The following PRDM6 variants were observed in gnomAD, a reference collection of about 807,000 sequenced individuals.
PRDM6 encodes the protein putative histone-lysine N-methyltransferase PRDM6.
In PRDM6, 25 loss-of-function variants were observed where a neutral mutation model predicts 60.8. The observed-to-expected ratio is 0.41, with a 90% CI of 0.30 to 0.57. PRDM6 has a LOEUF of 0.57. PRDM6 is among the 20% of genes least tolerant of loss of function. The probability of loss-of-function intolerance (pLI) is 0.27; values close to 1 mark genes in which losing one functional copy is unlikely to be tolerated. For missense variants in PRDM6, 839 were observed against 821.3 expected (o/e 1.02, Z -0.26); for synonymous variants, 407 against 357.4 (o/e 1.14, Z -1.57).
rs116523240 is a variant in PRDM6 at position 123,142,377 on chromosome 5, A to G, written c.901-13507A>G. 7.8e-3 allele frequency among the ~76,000 whole-genome samples: 1,189 copies of G among 152,278 alleles called. 17 individuals are homozygous for G. The highest frequency in any genetic ancestry group is 0.027 in the African/African-American group (1,129 of 41,560). ...TACAGTTAATACTGCCAGAGTAAGA[A>G]GTAGAACATAGGATTCCTCATCTGT... On this transcript the variant is annotated intron_variant, in intron 3 of 7. Coordinates refer to ENST00000407847, the MANE Select transcript of PRDM6 (RefSeq NM_001136239.4).
At position 123,193,677 on chromosome 5, in the gene PRDM6, TTG is replaced by T. The variant is rs1429193121; in HGVS notation, c.*6477_*6478del. On this transcript the variant is annotated 3_prime_UTR_variant, in exon 8 of 8. Transcript: ENST00000407847. ...TTTGGCTCAGATCAGCAAAATTATT[TTG>T]GAAACTTAATGTCCCAAGTTAATTA... 6.6e-6 allele frequency: 1 copy of T among 152,208 alleles called. No individual in the cohort carries two copies. The highest frequency in any genetic ancestry group is 1.5e-5 in the Non-Finnish European group (1 of 68,042). 9.4% of individuals were successfully genotyped at this position (152,208 alleles called of 1,614,324 possible).
intron 5 of PRDM6, among the ~76,000 whole-genome samples, chr5:123,169,592 A>G (rs183221493): frequency 2.0e-5 from 3 of 152,346 alleles, no homozygotes; most frequent in African/African-American, 4.8e-5. Flanking sequence ...AGTGTCAACC[A>G]TAGGTCAAGC....
chr5:123,172,409 A>AT, intron 6 of PRDM6, among the ~76,000 whole-genome samples: 1 of 152,168 alleles, frequency 6.6e-6, no homozygotes. Context: ...CACAATCTTT[A>AT]TTTTCAATAG....
At chr5:123,090,947 C>T (rs1580470019) in intron 2 of PRDM6, among the ~76,000 whole-genome samples, 1 of 152,200 alleles carries the variant, frequency 6.6e-6, no homozygotes, top group African/African-American at 2.4e-5. Context: ...TGCCCGGGGC[C>T]AGGCGGGTAC....
At chr5:123,162,941 G>A (rs764849045) in intron 5 of PRDM6, among the ~76,000 whole-genome samples, 6 of 152,200 alleles carry the variant, frequency 3.9e-5, no homozygotes, top group African/African-American at 1.2e-4. Context: ...GTGTAAAAGG[G>A]CATGGGCAGA....
At chr5:123,118,285 G>T (rs1433136008) in intron 3 of PRDM6, among the ~76,000 whole-genome samples, 1 of 152,196 alleles carries the variant, frequency 6.6e-6, no homozygotes, top group African/African-American at 2.4e-5. Context: ...AAGTTGTTTT[G>T]TTTAGAAGGT....
chr5:123,107,317 T>C (rs187351494), intron 3 of PRDM6, among the ~76,000 whole-genome samples: 146 of 152,376 alleles, frequency 9.6e-4, no homozygotes, highest in Middle Eastern at 3.4e-3. Context: ...CCAACAGATA[T>C]ATTGTGGAAT....
At chr5:123,094,476 G>T (rs1763914676) in intron 2 of PRDM6, among the ~76,000 whole-genome samples, 1 of 141,632 alleles carries the variant, frequency 7.1e-6, no homozygotes, top group African/African-American at 2.5e-5. Flanking sequence ...TGCAAGCCCA[G>T]CCTCATCCCA....
At chr5:123,107,970 A>T (rs1554085646) in intron 3 of PRDM6, among the ~76,000 whole-genome samples, 1 of 151,960 alleles carries the variant, frequency 6.6e-6, no homozygotes, top group Non-Finnish European at 1.5e-5. Context: ...TTTTTAATTA[A>T]TTTTTTTTCA....
chr5:123,166,930 A>G (rs1173020272), intron 5 of PRDM6, among the ~76,000 whole-genome samples: 5 of 152,126 alleles, frequency 3.3e-5, no homozygotes, highest in Non-Finnish European at 5.9e-5. Context: ...TGCAGAAACC[A>G]CTTCATCTTT....
intron 4 of PRDM6, 122 bp downstream of exon 4, chr5:123,156,133 T>A: frequency 9.8e-6 from 3 of 307,554 alleles, no homozygotes; most frequent in Non-Finnish European, 1.5e-5. Flanking sequence ...CTGGCAGACA[T>A]TTTTTTTTTT....
At chr5:123,142,787 C>T (rs749852886) in intron 3 of PRDM6, among the ~76,000 whole-genome samples, 6 of 145,790 alleles carry the variant, frequency 4.1e-5, no homozygotes, top group African/African-American at 1.0e-4. Flanking sequence ...GCTTTTCTAG[C>T]GATCCTGAAA....
In PRDM6 at chr5:123,188,823, G is replaced by T. The variant is rs1177886734; in HGVS notation, c.*1622G>T. ...AAAATCTCTCTTCCCTTTTAATTTT[G>T]CTTCTCTATTCCTTAGCACCCCAGC... On this transcript the variant is annotated 3_prime_UTR_variant, in exon 8 of 8. Coordinates refer to ENST00000407847, the MANE Select transcript of PRDM6 (RefSeq NM_001136239.4). 6.6e-6 allele frequency: 1 copy of T among 151,956 alleles called. No individual in the cohort carries two copies. The highest frequency in any genetic ancestry group is 1.5e-5 in the Non-Finnish European group (1 of 67,992). 9.4% of individuals were successfully genotyped at this position (151,956 alleles called of 1,614,324 possible).
chr5:123,099,741 G>C lies in PRDM6; in HGVS notation c.680G>C (p.Ser227Thr), dbSNP rs927793577. 6.5e-7 allele frequency: 1 copy of C among 1,543,930 alleles called. No individual in the cohort carries two copies. Among genetic ancestry groups the C allele is most frequent in the Non-Finnish European group, 8.7e-7 (1 of 1,144,228 alleles). ...CTGCGCCGGCTTGTGGGCACCAGCAGCGCTGCGGCCGCCGCGCCCCCGCCG... is the reference window on the plus strand; with the variant it reads ...CTGCGCCGGCTTGTGGGCACCAGCACCGCTGCGGCCGCCGCGCCCCCGCCG... ...HSLRRLVGTS[S>T]AAAAAPPPEL... is the part of the protein sequence containing the mutation. The change falls in exon 3 of 8, where the codon AGC becomes ACC. Residue 227 changes from serine (S) to threonine (T), a missense_variant. This residue lies in a region of PRDM6 where 730 missense variants were observed against 648.8 expected (regional missense o/e 1.13). Coordinates refer to ENST00000407847, the MANE Select transcript of PRDM6 (RefSeq NM_001136239.4). This position sits in a 1 kb window ranked among gnomAD's most constrained non-coding sequence, Gnocchi z 4.0.
chr5:123,089,782 G>A (rs912740270), intron 1 of PRDM6, among the ~76,000 whole-genome samples: 1 of 152,194 alleles, frequency 6.6e-6, no homozygotes, highest in African/African-American at 2.4e-5. Flanking sequence ...CGCTGCGATC[G>A]GGGAGGCAGA....
intron 7 of PRDM6, among the ~76,000 whole-genome samples, chr5:123,185,132 A>T (rs1226860976): frequency 6.6e-6 from 1 of 152,218 alleles, no homozygotes; most frequent in African/African-American, 2.4e-5. Flanking sequence ...TCTGGATGTT[A>T]AAATATTACA....
chr5:123,091,797 T>C (rs936430535), intron 2 of PRDM6, among the ~76,000 whole-genome samples: 2 of 152,266 alleles, frequency 1.3e-5, no homozygotes, highest in African/African-American at 4.8e-5. Flanking sequence ...GTAAAGTTAA[T>C]TTAAAACATT....
At chr5:123,107,129 C>G (rs934711749) in intron 3 of PRDM6, among the ~76,000 whole-genome samples, 1 of 152,162 alleles carries the variant, frequency 6.6e-6, no homozygotes, top group African/African-American at 2.4e-5. Flanking sequence ...TTGAATTGTA[C>G]TTTTGGGGGA....
chr5:123,156,732 A>T (rs1340603309), intron 4 of PRDM6, among the ~76,000 whole-genome samples: 1 of 152,152 alleles, frequency 6.6e-6, no homozygotes, highest in Non-Finnish European at 1.5e-5. Context: ...GGGAGCTGAG[A>T]AGCAGGGTGG....
Sources: gnomAD v4.1 joint callset for allele counts (sites outside exome capture counted in the v4.1 genomes callset) on GRCh38, gnomAD v4.1.1 for gene constraint, gnomAD v4.1.1 regional missense constraint, Gnocchi (gnomAD v3.1) non-coding constraint, MANE v1.5 for transcripts, NCBI Gene and HGNC (gene_info 2026-07-23, HGNC 2026-07-21) for gene names.